SPATA17: variants seen among roughly 807,000 people sequenced by gnomAD.
SPATA17 encodes the protein spermatogenesis-associated protein 17.
SPATA17 carries 53 observed loss-of-function variants against 62.2 expected under a neutral mutation model. That is an observed-to-expected ratio of 0.85 (90% confidence interval 0.68 to 1.07). The LOEUF is 1.07. Ranked by LOEUF, SPATA17 falls within the 50% of genes least tolerant of loss-of-function variation. SPATA17 has a pLI of 0.00. For synonymous variants in SPATA17, 146 were observed against 146.8 expected, an observed-to-expected ratio of 0.99 and a Z score of 0.04; for missense variants, 466 against 425.5, an observed-to-expected ratio of 1.10 and a Z score of -0.84.
chr1:217,828,603 A>G (rs1675057664), intron 9 of SPATA17, among the ~76,000 whole-genome samples: 1 of 151,294 alleles, frequency 6.6e-6, no homozygotes, highest in African/African-American at 2.4e-5. Context: ...AAACTAAACT[A>G]AATCTAAACT....
chr1:217,829,682 A>G (rs1675087908), intron 9 of SPATA17, among the ~76,000 whole-genome samples: 1 of 150,578 alleles, frequency 6.6e-6, no homozygotes. Context: ...TATGTGAAAA[A>G]AAGATATATT....
intron 9 of SPATA17, among the ~76,000 whole-genome samples, chr1:217,860,973 T>C (rs1675886569): frequency 6.6e-6 from 1 of 152,134 alleles, no homozygotes; most frequent in African/African-American, 2.4e-5. Flanking sequence ...ACTCAGCATA[T>C]CAAAATTTTT....
At chr1:217,861,099 G>A (rs1319502173) in intron 9 of SPATA17, among the ~76,000 whole-genome samples, 2 of 151,864 alleles carry the variant, frequency 1.3e-5, no homozygotes, top group African/African-American at 4.8e-5. Context: ...GATTATTCCT[G>A]ATTCCTTCCT....
chr1:217,649,305 C>G (rs1670255501), intron 2 of SPATA17, among the ~76,000 whole-genome samples: 1 of 151,892 alleles, frequency 6.6e-6, no homozygotes, highest in East Asian at 1.9e-4. Context: ...AAGGTGAAAC[C>G]CAGTCTCTAC....
intron 4 of SPATA17, among the ~76,000 whole-genome samples, chr1:217,678,843 G>A (rs2102903224): frequency 6.6e-6 from 1 of 152,124 alleles, no homozygotes; most frequent in African/African-American, 2.4e-5. Flanking sequence ...GCTGATCAAT[G>A]ACAATAATTG....
chr1:217,792,820 A>G (rs1160206300), intron 8 of SPATA17, among the ~76,000 whole-genome samples: 1 of 152,158 alleles, frequency 6.6e-6, no homozygotes, highest in African/African-American at 2.4e-5. Context: ...GAATCTCCTC[A>G]GATTGAGGAG....
At chr1:217,748,163 C>T (rs1428034562) in intron 6 of SPATA17, among the ~76,000 whole-genome samples, 2 of 151,668 alleles carry the variant, frequency 1.3e-5, no homozygotes, top group Non-Finnish European at 2.9e-5. Context: ...ATTAGCCAGG[C>T]ATGGTGGCGA....
chr1:217,813,008 T>A (rs1674630925), intron 9 of SPATA17, among the ~76,000 whole-genome samples: 1 of 152,206 alleles, frequency 6.6e-6, no homozygotes, highest in African/African-American at 2.4e-5. Context: ...GTTGTTATTT[T>A]CACATGCATT....
At chr1:217,656,455 A>C (rs906873174) in intron 3 of SPATA17, among the ~76,000 whole-genome samples, 1 of 152,202 alleles carries the variant, frequency 6.6e-6, no homozygotes, top group South Asian at 2.1e-4. Flanking sequence ...TTTGAAAACA[A>C]AATCAAAATA....
chr1:217,829,485 G>A (rs760291714), intron 9 of SPATA17, among the ~76,000 whole-genome samples: 10 of 151,432 alleles, frequency 6.6e-5, no homozygotes, highest in Admixed American at 1.3e-4. Context: ...AAAATTAGCC[G>A]GGCATGGTGG....
At chr1:217,689,306 A>G (rs956406284) in intron 5 of SPATA17, among the ~76,000 whole-genome samples, 1 of 146,018 alleles carries the variant, frequency 6.8e-6, no homozygotes, top group Non-Finnish European at 1.5e-5. Context: ...GCTTACTGCA[A>G]TCTCTGCCTC....
chr1:217,714,843 A>G (rs1270048458), intron 5 of SPATA17, among the ~76,000 whole-genome samples: 1 of 152,180 alleles, frequency 6.6e-6, no homozygotes, highest in Non-Finnish European at 1.5e-5. Flanking sequence ...GTACTCTGAC[A>G]GAAGGATTTA....
At chr1:217,789,846 C>T (rs758516452) in intron 8 of SPATA17, among the ~76,000 whole-genome samples, 2 of 151,952 alleles carry the variant, frequency 1.3e-5, no homozygotes, top group African/African-American at 4.8e-5. Context: ...ACCAGCCAGG[C>T]CAACATAGTG....
chr1:217,828,785 A>G (rs1675063221), intron 9 of SPATA17, among the ~76,000 whole-genome samples: 3 of 152,168 alleles, frequency 2.0e-5, no homozygotes, highest in Admixed American at 2.0e-4. Context: ...TGGGCAAAGA[A>G]TATGAACAGA....
At chr1:217,806,697 T>C (rs1013134016) in intron 9 of SPATA17, among the ~76,000 whole-genome samples, 1 of 152,184 alleles carries the variant, frequency 6.6e-6, no homozygotes, top group East Asian at 1.9e-4. Flanking sequence ...GCACTGGAAA[T>C]ATAAGGTATT....
intron 7 of SPATA17, chr1:217,781,135 A>T (rs1401942195): frequency 6.6e-6 from 1 of 152,114 alleles, no homozygotes; most frequent in African/African-American, 2.4e-5. Context: ...ACGGTCCATG[A>T]CTTTTATGGT....
At chr1:217,684,437 C>T (rs941313555) in intron 5 of SPATA17, among the ~76,000 whole-genome samples, 14 of 151,104 alleles carry the variant, frequency 9.3e-5, no homozygotes, top group East Asian at 1.9e-4. Context: ...TTTTTTGAGA[C>T]GGAGTCTTCC....
intron 7 of SPATA17, among the ~76,000 whole-genome samples, chr1:217,777,987 T>A (rs919804491): frequency 6.6e-6 from 1 of 152,180 alleles, no homozygotes; most frequent in African/African-American, 2.4e-5. Context: ...ATTTTTGCTA[T>A]TTTGAATTAT....
At chr1:217,646,978 C>T (rs1015959387) in intron 1 of SPATA17, among the ~76,000 whole-genome samples, 2 of 152,094 alleles carry the variant, frequency 1.3e-5, no homozygotes, top group Non-Finnish European at 2.9e-5. Flanking sequence ...AGCTGTGACA[C>T]TTACTAAAGA....
Sources: gnomAD v4.1 joint callset for allele counts (sites outside exome capture counted in the v4.1 genomes callset) on GRCh38, gnomAD v4.1.1 for gene constraint, MANE v1.5 for transcripts, NCBI Gene and HGNC (gene_info 2026-07-23, HGNC 2026-07-21) for gene names.